The following UBE2E3 variants were observed in gnomAD, a reference collection of about 807,000 sequenced individuals.
UBE2E3 encodes the protein ubiquitin-conjugating enzyme E2 E3.
In UBE2E3, 5 loss-of-function variants were observed where a neutral mutation model predicts 23.6. The observed-to-expected ratio is 0.21, with a 90% CI of 0.11 to 0.44. UBE2E3 has a LOEUF of 0.44. Ranked by LOEUF, UBE2E3 falls within the 20% of genes least tolerant of loss-of-function variation. The pLI, the probability that UBE2E3 is intolerant of heterozygous loss-of-function variation, is 0.99. For missense variants in UBE2E3, 81 were observed against 249.8 expected (o/e 0.32, Z 4.55); for synonymous variants, 78 against 87.5 (o/e 0.89, Z 0.60).
intron 3 of UBE2E3, among the ~76,000 whole-genome samples, chr2:180,985,557 T>C (rs551055699): frequency 1.3e-5 from 2 of 152,284 alleles, no homozygotes; most frequent in African/African-American, 2.4e-5. Context: ...TGACTTGCAT[T>C]GTATTTCTAT....
chr2:181,061,415 G>A lies in UBE2E3; in HGVS notation c.526+603G>A, dbSNP rs1330714365. Among the ~76,000 whole-genome samples the A allele has an allele frequency of 1.3e-5, 2 of 149,184 alleles. 1 individual carries two copies. Among genetic ancestry groups the A allele is most frequent in the Admixed American group, 1.3e-4 (2 of 14,914 alleles). On this transcript the variant is annotated intron_variant, in intron 5 of 5. Transcript: ENST00000410062. ...TGGGATTACAGGCGTGAGCCACCGC[G>A]CCCGGCCGACCACTTCTAACAAGAG...
At chr2:181,045,463 T>C (rs1686647192) in intron 3 of UBE2E3, among the ~76,000 whole-genome samples, 1 of 152,200 alleles carries the variant, frequency 6.6e-6, no homozygotes, top group Admixed American at 6.5e-5. Flanking sequence ...CATCTGAGGA[T>C]TGGAATACTT....
chr2:180,988,136 T>G (rs1242947829), intron 3 of UBE2E3, among the ~76,000 whole-genome samples: 1 of 152,130 alleles, frequency 6.6e-6, no homozygotes, highest in African/African-American at 2.4e-5. Flanking sequence ...AATGACTTAA[T>G]GTGTTTAAGT....
intron 3 of UBE2E3, chr2:180,989,883 A>G: frequency 2.6e-6 from 4 of 1,543,706 alleles, no homozygotes; most frequent in Non-Finnish European, 3.5e-6. Flanking sequence ...ACTTTTCAGG[A>G]AAATCAGCAA....
At chr2:181,014,943 A>G (rs775106522) in intron 3 of UBE2E3, among the ~76,000 whole-genome samples, 5 of 152,174 alleles carry the variant, frequency 3.3e-5, no homozygotes, top group East Asian at 1.9e-4. Context: ...AGTGAAGTCA[A>G]TTTAGAATGG....
intron 3 of UBE2E3, chr2:180,989,807 C>G (rs1684600355): frequency 4.9e-6 from 7 of 1,432,222 alleles, no homozygotes; most frequent in Admixed American, 2.3e-5. Flanking sequence ...TCATATTCCT[C>G]TCATAACCAA....
intron 3 of UBE2E3, among the ~76,000 whole-genome samples, chr2:181,028,419 T>C (rs1226510283): frequency 1.3e-5 from 2 of 152,112 alleles, no homozygotes; most frequent in African/African-American, 4.8e-5. Context: ...TTTCATTGTA[T>C]ATCTAAGAGT....
intron 3 of UBE2E3, among the ~76,000 whole-genome samples, chr2:181,014,706 TTTA>T (rs1685434209): frequency 6.6e-6 from 1 of 152,116 alleles, no homozygotes; most frequent in South Asian, 2.1e-4. Flanking sequence ...GCAGAGCTGT[TTTA>T]TTATTTTTTA....
chr2:181,022,242 G>A (rs1442019697), intron 3 of UBE2E3, among the ~76,000 whole-genome samples: 1 of 151,864 alleles, frequency 6.6e-6, no homozygotes, highest in Non-Finnish European at 1.5e-5. Flanking sequence ...TTTTTGGTTA[G>A]ACTCTTGAAA....
chr2:181,045,411 C>A (rs1253004224), intron 3 of UBE2E3, among the ~76,000 whole-genome samples: 1 of 152,156 alleles, frequency 6.6e-6, no homozygotes, highest in Non-Finnish European at 1.5e-5. Flanking sequence ...CATCTTTCTG[C>A]ACAATAGGAG....
chr2:181,054,174 G>T (rs920034232), intron 3 of UBE2E3, among the ~76,000 whole-genome samples: 2 of 151,844 alleles, frequency 1.3e-5, no homozygotes, highest in African/African-American at 2.4e-5. Flanking sequence ...GCAGAATTTT[G>T]TGTGGACATA....
chr2:181,049,617 T>C (rs900392121), intron 3 of UBE2E3, among the ~76,000 whole-genome samples: 1 of 152,044 alleles, frequency 6.6e-6, no homozygotes, highest in African/African-American at 2.4e-5. Flanking sequence ...ACAAGCTTTA[T>C]AGTAATAGTT....
rs187994010 is a variant in UBE2E3, at chr2:181,038,689, C to T, written c.246-19004C>T. On this transcript the variant is annotated intron_variant, in intron 3 of 5. Transcript: ENST00000410062. ...GAGAAAATAATTTGAAAACCTCTGT[C>T]TGATAAAAGACTTGTATCCAGAACA... Among the ~76,000 whole-genome samples, 554 of 152,288 alleles carry T rather than the reference C, an allele frequency of 3.6e-3. 2 individuals are homozygous for T. Among genetic ancestry groups the T allele is most frequent in the African/African-American group, 0.013 (531 of 41,564 alleles).
chr2:181,038,448 G>A (rs1328572833), intron 3 of UBE2E3, among the ~76,000 whole-genome samples: 1 of 152,134 alleles, frequency 6.6e-6, no homozygotes, highest in Non-Finnish European at 1.5e-5. Flanking sequence ...AACATTAAGT[G>A]ACACATGACC....
intron 3 of UBE2E3, among the ~76,000 whole-genome samples, chr2:181,038,859 A>G (rs1444026919): frequency 1.3e-5 from 2 of 152,220 alleles, no homozygotes; most frequent in Non-Finnish European, 2.9e-5. Flanking sequence ...AATGCAAATT[A>G]AAACCACGAT....
intron 3 of UBE2E3, chr2:180,990,001 A>G: frequency 6.6e-7 from 1 of 1,518,340 alleles, no homozygotes; most frequent in Non-Finnish European, 8.9e-7. Context: ...TCACTTGTAA[A>G]TCTAGAGAAA....
chr2:181,006,795 T>C lies in UBE2E3; in HGVS notation c.245+22702T>C, dbSNP rs151149881. 2.3e-3 allele frequency among the ~76,000 whole-genome samples: 356 copies of C among 152,318 alleles called. 1 individual carries two copies. Among genetic ancestry groups the C allele is most frequent in the African/African-American group, 8.3e-3 (344 of 41,580 alleles). Reference sequence around the variant, plus strand: ...ATTTGTGTTTTGCAAATAGTAAATATTAGTTAGAAACCCTTTGGATCCTCT... The same window carrying C: ...ATTTGTGTTTTGCAAATAGTAAATACTAGTTAGAAACCCTTTGGATCCTCT... On this transcript the variant is annotated intron_variant, in intron 3 of 5. Transcript: ENST00000410062.
intron 3 of UBE2E3, among the ~76,000 whole-genome samples, chr2:180,991,809 T>G (rs1684667402): frequency 6.9e-6 from 1 of 145,186 alleles, no homozygotes; most frequent in African/African-American, 2.5e-5. Flanking sequence ...GACAAAAGTA[T>G]GATTCAAGCC....
intron 3 of UBE2E3, among the ~76,000 whole-genome samples, chr2:181,039,488 G>C (rs1228544715): frequency 2.6e-5 from 4 of 152,028 alleles, no homozygotes; most frequent in Admixed American, 2.6e-4. Flanking sequence ...AGAGTGTACA[G>C]GGACTGGTGT....
Sources: allele counts gnomAD v4.1 joint callset (sites outside exome capture counted in the v4.1 genomes callset), GRCh38; gene constraint gnomAD v4.1.1; transcripts MANE v1.5; gene names NCBI Gene and HGNC (gene_info 2026-07-23, HGNC 2026-07-21).